Variants in EIPR1 observed in about 807,000 individuals in gnomAD.
EIPR1 encodes the protein EARP and GARP complex-interacting protein 1.
A neutral mutation model predicts 48.1 loss-of-function variants in EIPR1; 25 were observed. That is an observed-to-expected ratio of 0.52 (90% CI 0.38 to 0.73). The LOEUF (loss-of-function observed/expected upper bound fraction) is 0.73. EIPR1 is among the 30% of genes least tolerant of loss of function. The pLI is 0.00. For synonymous variants in EIPR1, 204 were observed against 201.9 expected (o/e 1.01, Z -0.09); for missense variants, 415 against 506.2 (o/e 0.82, Z 1.73).
chr2:3,219,325 A>G (rs1006783669), intron 4 of EIPR1, among the ~76,000 whole-genome samples: 1 of 37,492 alleles, frequency 2.7e-5, no homozygotes, highest in Non-Finnish European at 6.2e-5. Context: ...CACACTCAAC[A>G]CGACCCTGGT....
At chr2:3,192,121 T>C (rs901623846) in intron 8 of EIPR1, among the ~76,000 whole-genome samples, 16 of 152,220 alleles carry the variant, frequency 1.1e-4, no homozygotes, top group African/African-American at 3.6e-4. Context: ...ATGCTCAAGT[T>C]TGAAGACCAG....
chr2:3,287,943 A>T (rs920765567), intron 3 of EIPR1, among the ~76,000 whole-genome samples: 1 of 152,186 alleles, frequency 6.6e-6, no homozygotes. Context: ...TCGTGTGCAG[A>T]GGGTACTGAG....
At chr2:3,241,421 T>C (rs1234164823) in intron 4 of EIPR1, among the ~76,000 whole-genome samples, 3 of 152,246 alleles carry the variant, frequency 2.0e-5, no homozygotes, top group Non-Finnish European at 4.4e-5. Flanking sequence ...GTTTGCCGTA[T>C]ACCTTGGAAT....
chr2:3,258,397 G>C (rs1667229741), intron 3 of EIPR1, among the ~76,000 whole-genome samples: 1 of 152,138 alleles, frequency 6.6e-6, no homozygotes, highest in South Asian at 2.1e-4. Context: ...CCCTTTTAAA[G>C]ATGGCCTTTA....
At chr2:3,236,939 T>C (rs1666422212) in intron 4 of EIPR1, among the ~76,000 whole-genome samples, 1 of 152,124 alleles carries the variant, frequency 6.6e-6, no homozygotes, top group Admixed American at 6.5e-5. Context: ...GGCAACACTA[T>C]CTGGTACCTT....
chr2:3,200,754 C>T (rs544289465), intron 5 of EIPR1, among the ~76,000 whole-genome samples: 27 of 152,078 alleles, frequency 1.8e-4, no homozygotes, highest in South Asian at 1.0e-3. Flanking sequence ...AAGGCATCCG[C>T]GGTGAGTCTG....
intron 4 of EIPR1, among the ~76,000 whole-genome samples, chr2:3,216,706 C>A (rs984060726): frequency 1.3e-5 from 2 of 152,204 alleles, no homozygotes; most frequent in African/African-American, 4.8e-5. Flanking sequence ...GAATCATACA[C>A]CCCATCTATT....
intron 3 of EIPR1, among the ~76,000 whole-genome samples, chr2:3,269,768 C>T (rs1224963624): frequency 2.6e-5 from 4 of 152,216 alleles, no homozygotes; most frequent in Non-Finnish European, 5.9e-5. Flanking sequence ...AATCTCGCTT[C>T]GTCCAAACAA....
At chr2:3,239,619 T>C (rs935699489) in intron 4 of EIPR1, among the ~76,000 whole-genome samples, 1 of 151,996 alleles carries the variant, frequency 6.6e-6, no homozygotes, top group Non-Finnish European at 1.5e-5. Flanking sequence ...CATCCCTTCC[T>C]GGCTGCTCAT....
chr2:3,229,494 T>G (rs1385051954), intron 4 of EIPR1, among the ~76,000 whole-genome samples: 1 of 152,248 alleles, frequency 6.6e-6, no homozygotes, highest in Admixed American at 6.5e-5. Flanking sequence ...AATAAATTTC[T>G]TCACTGCTTC....
In EIPR1 at chr2:3,312,007, C is replaced by G. The variant is rs1453882882; in HGVS notation, c.259+26010G>C. Among the ~76,000 whole-genome samples the G allele has an allele frequency of 6.6e-6, 1 of 152,182 alleles. No homozygotes were observed. Among genetic ancestry groups the G allele is most frequent in the African/African-American group, 2.4e-5 (1 of 41,452 alleles). On this transcript the variant is annotated intron_variant, in intron 3 of 8. Transcript: ENST00000382125. The surrounding 1 kb of genome is among the most constrained non-coding windows in gnomAD (Gnocchi z 5.5). The stretch of plus-strand genomic sequence containing the variant: ...CACATAAGGACCTGGCGGTCACTCT[C>G]GTGCTGACATACAAATGACACCCTC...
intron 3 of EIPR1, among the ~76,000 whole-genome samples, chr2:3,307,856 C>G (rs1044288515): frequency 2.6e-5 from 4 of 152,186 alleles, no homozygotes; most frequent in Non-Finnish European, 4.4e-5. Context: ...GTTCCCAACA[C>G]AAAGGAAAGA....
Position 3,306,291 on chromosome 2 carries a change from C to A in EIPR1, c.259+31726G>T, listed in dbSNP as rs12469472. On this transcript the variant is annotated intron_variant, in intron 3 of 8. Transcript: ENST00000382125. ...TTGGTTGGATTTGTTCTCTTTTCCCCCCTTCTGTTTCCCAGGTTAGTGTTT... is the reference window on the plus strand; with the variant it reads ...TTGGTTGGATTTGTTCTCTTTTCCCACCTTCTGTTTCCCAGGTTAGTGTTT... Among the ~76,000 whole-genome samples, 229 of 152,234 alleles carry A rather than the reference C, an allele frequency of 1.5e-3. 1 individual carries two copies. The highest frequency in any genetic ancestry group is 2.4e-3 in the Non-Finnish European group (164 of 68,004).
intron 3 of EIPR1, among the ~76,000 whole-genome samples, chr2:3,295,846 C>T (rs1668559778): frequency 7.0e-6 from 1 of 142,232 alleles, no homozygotes; most frequent in African/African-American, 2.6e-5. Flanking sequence ...CACACACACA[C>T]CCTCCATCCA....
chr2:3,269,129 G>A (rs1667587830), intron 3 of EIPR1, among the ~76,000 whole-genome samples: 1 of 152,206 alleles, frequency 6.6e-6, no homozygotes, highest in South Asian at 2.1e-4. Flanking sequence ...ACTGAGCACT[G>A]CACATCCAAA....
At chr2:3,228,375 T>C (rs562450405) in intron 4 of EIPR1, among the ~76,000 whole-genome samples, 1 of 152,364 alleles carries the variant, frequency 6.6e-6, no homozygotes, top group East Asian at 1.9e-4. Context: ...ATTTCTCCCA[T>C]TTGGAATGGG....
intron 3 of EIPR1, among the ~76,000 whole-genome samples, chr2:3,263,589 C>T (rs893078039): frequency 4.6e-5 from 7 of 152,222 alleles, no homozygotes; most frequent in Admixed American, 2.0e-4. Flanking sequence ...CATCGCACCA[C>T]CTAGGTGAGC....
At chr2:3,269,499 GCACTCAATCATCATCA>G (rs1459646862) in intron 3 of EIPR1, among the ~76,000 whole-genome samples, 18 of 132,564 alleles carry the variant, frequency 1.4e-4, no homozygotes, top group East Asian at 4.5e-4. Flanking sequence ...CTCAATCATC[GCACTCAATCATCATCA>G]CACTCAATCA....
intron 5 of EIPR1, among the ~76,000 whole-genome samples, chr2:3,210,828 G>A (rs898310829): frequency 6.6e-6 from 1 of 151,828 alleles, no homozygotes; most frequent in Admixed American, 6.6e-5. Context: ...TAGTAGAGAC[G>A]GGGTTTCACC....
Sources: gnomAD v4.1 joint callset for allele counts (sites outside exome capture counted in the v4.1 genomes callset) on GRCh38, gnomAD v4.1.1 for gene constraint, Gnocchi (gnomAD v3.1) non-coding constraint, MANE v1.5 for transcripts, NCBI Gene and HGNC (gene_info 2026-07-23, HGNC 2026-07-21) for gene names.